Variants in CNTNAP4 observed in about 807,000 individuals in gnomAD.
CNTNAP4 encodes the protein contactin associated protein family member 4, also known as contactin-associated protein-like 4.
A neutral mutation model predicts 148.4 loss-of-function variants in CNTNAP4; 98 were observed. The ratio of observed to expected loss-of-function variants is 0.66; its 90% CI spans 0.56 to 0.78. CNTNAP4 has a LOEUF of 0.78. Among genes scored for constraint, CNTNAP4 ranks in the 30% least tolerant of loss-of-function variants. The probability of loss-of-function intolerance (pLI) is 0.00; values close to 1 mark genes in which losing one functional copy is unlikely to be tolerated. For missense variants in CNTNAP4, 1,935 were observed against 1,565.6 expected, an observed-to-expected ratio of 1.24 and a Z score of -3.98; for synonymous variants, 730 against 565.1, an observed-to-expected ratio of 1.29 and a Z score of -4.14.
intron 3 of CNTNAP4, among the ~76,000 whole-genome samples, chr16:76,397,987 T>G (rs528606676): frequency 1.2e-5 from 1 of 81,958 alleles, no homozygotes; most frequent in Non-Finnish European, 2.2e-5. Context: ...TATATATATA[T>G]ATATATATAT....
At chr16:76,482,182 A>G (rs556467809) in intron 12 of CNTNAP4, among the ~76,000 whole-genome samples, 3 of 152,184 alleles carry the variant, frequency 2.0e-5, no homozygotes, top group Admixed American at 1.3e-4. Context: ...CAATTTCAGT[A>G]TCTTAATTGT....
intron 3 of CNTNAP4, among the ~76,000 whole-genome samples, chr16:76,371,433 G>A (rs56681535): frequency 7.6e-4 from 116 of 152,084 alleles, no homozygotes; most frequent in African/African-American, 2.7e-3. Flanking sequence ...TTACAGGTGC[G>A]TGCCTCCCGC....
intron 21 of CNTNAP4, among the ~76,000 whole-genome samples, chr16:76,541,993 T>C (rs1348373969): frequency 6.6e-6 from 1 of 152,226 alleles, no homozygotes; most frequent in Admixed American, 6.5e-5. Flanking sequence ...TAAGAATATG[T>C]ATATAGCCAA....
chr16:76,446,996 A>T (rs2080271932), intron 4 of CNTNAP4, among the ~76,000 whole-genome samples: 1 of 152,198 alleles, frequency 6.6e-6, no homozygotes, highest in Non-Finnish European at 1.5e-5. Context: ...ATGGAATAAG[A>T]AGAAATAGCC....
chr16:76,426,227 T>A (rs1035109024), intron 3 of CNTNAP4, among the ~76,000 whole-genome samples: 1 of 152,082 alleles, frequency 6.6e-6, no homozygotes, highest in Non-Finnish European at 1.5e-5. Context: ...TACTAGAAAA[T>A]GTTTTGGTAA....
At chr16:76,337,404 G>A (rs776362463) in intron 2 of CNTNAP4, among the ~76,000 whole-genome samples, 4 of 152,094 alleles carry the variant, frequency 2.6e-5, no homozygotes, top group East Asian at 3.9e-4. Context: ...ATCACATATC[G>A]ACAGGTTCTG....
At chr16:76,366,948 G>A (rs918584841) in intron 3 of CNTNAP4, among the ~76,000 whole-genome samples, 1 of 151,924 alleles carries the variant, frequency 6.6e-6, no homozygotes, top group African/African-American at 2.4e-5. Flanking sequence ...ATATAAATGA[G>A]ATCATTCTGA....
At chr16:76,303,939 T>G (rs1322275187) in intron 1 of CNTNAP4, among the ~76,000 whole-genome samples, 1 of 152,202 alleles carries the variant, frequency 6.6e-6, no homozygotes, top group Non-Finnish European at 1.5e-5. Context: ...CTTTGAGGAA[T>G]AATTCTTATA....
intron 3 of CNTNAP4, among the ~76,000 whole-genome samples, chr16:76,398,089 T>C (rs2078276814): frequency 6.8e-6 from 1 of 148,064 alleles, no homozygotes; most frequent in Non-Finnish European, 1.5e-5. Flanking sequence ...GTCCCAAAGC[T>C]GAAGAACCTG....
intron 1 of CNTNAP4, among the ~76,000 whole-genome samples, chr16:76,303,328 G>A (rs57849035): frequency 0.021 from 3,206 of 152,152 alleles, 117 homozygotes; most frequent in African/African-American, 0.074. Context: ...ATCTTTAAGT[G>A]TGATACTTTG....
At chr16:76,420,228 A>C in intron 3 of CNTNAP4, among the ~76,000 whole-genome samples, 1 of 150,844 alleles carries the variant, frequency 6.6e-6, no homozygotes. Flanking sequence ...TATTAGAATA[A>C]TGTATATTCT....
At chr16:76,464,498 C>G (rs781452429) in intron 9 of CNTNAP4, among the ~76,000 whole-genome samples, 5 of 152,142 alleles carry the variant, frequency 3.3e-5, no homozygotes, top group Non-Finnish European at 5.9e-5. Flanking sequence ...AGGCTGCTCT[C>G]TATCACTAGG....
At chr16:76,279,800 G>A (rs1267312826) in intron 1 of CNTNAP4, among the ~76,000 whole-genome samples, 1 of 152,266 alleles carries the variant, frequency 6.6e-6, no homozygotes, top group South Asian at 2.1e-4. Context: ...GCAGCAGTAT[G>A]TGTAAAAGAA....
At chr16:76,299,066 A>G (rs1007046870) in intron 1 of CNTNAP4, among the ~76,000 whole-genome samples, 1 of 152,206 alleles carries the variant, frequency 6.6e-6, no homozygotes, top group Non-Finnish European at 1.5e-5. Flanking sequence ...AGGCAGTACT[A>G]CTATTCAGGA....
At chr16:76,399,687 C>A (rs1039971725) in intron 3 of CNTNAP4, among the ~76,000 whole-genome samples, 1 of 152,118 alleles carries the variant, frequency 6.6e-6, no homozygotes, top group Non-Finnish European at 1.5e-5. Context: ...TGTAACATAT[C>A]ATTAAAAACT....
chr16:76,466,532 G>A (rs1043047010), intron 9 of CNTNAP4, among the ~76,000 whole-genome samples: 6 of 151,926 alleles, frequency 3.9e-5, no homozygotes, highest in Non-Finnish European at 8.8e-5. Context: ...CACCTACCAT[G>A]TATCCATACA....
intron 3 of CNTNAP4, among the ~76,000 whole-genome samples, chr16:76,399,801 G>A (rs527627004): frequency 6.6e-6 from 1 of 152,150 alleles, no homozygotes; most frequent in Admixed American, 6.5e-5. Context: ...TAATTTATAA[G>A]TATGCTGATC....
intron 8 of CNTNAP4, among the ~76,000 whole-genome samples, chr16:76,453,095 A>G (rs1335698348): frequency 6.6e-6 from 1 of 152,212 alleles, no homozygotes; most frequent in Non-Finnish European, 1.5e-5. Flanking sequence ...AAATAGGCCA[A>G]CAAGTTAACT....
intron 17 of CNTNAP4, among the ~76,000 whole-genome samples, chr16:76,526,176 A>G (rs1356233856): frequency 6.6e-6 from 1 of 152,136 alleles, no homozygotes; most frequent in East Asian, 1.9e-4. Context: ...CAGAGGCCAG[A>G]TGAAACAGAA....
Sources: allele counts gnomAD v4.1 joint callset (sites outside exome capture counted in the v4.1 genomes callset), GRCh38; gene constraint gnomAD v4.1.1; transcripts MANE v1.5; gene names NCBI Gene and HGNC (gene_info 2026-07-23, HGNC 2026-07-21).